CACNA1I: variants seen among roughly 807,000 people sequenced by gnomAD.
CACNA1I encodes voltage-dependent T-type calcium channel subunit alpha-1I.
A neutral mutation model predicts 201.6 loss-of-function variants in CACNA1I; 74 were observed. The observed-to-expected ratio is 0.37, with a 90% CI of 0.30 to 0.45. The LOEUF (loss-of-function observed/expected upper bound fraction) is 0.45. Among genes scored for constraint, CACNA1I ranks in the 20% least tolerant of loss-of-function variants. The pLI is 1.00. For missense variants in CACNA1I, 2,346 were observed against 3,138.1 expected (o/e 0.75, Z 6.03); for synonymous variants, 1,431 against 1,345.2 (o/e 1.06, Z -1.40).
At chr22:39,620,129 GTCCA>G (rs1169891568) in intron 4 of CACNA1I, among the ~76,000 whole-genome samples, 2 of 89,812 alleles carry the variant, frequency 2.2e-5, no homozygotes, top group African/African-American at 4.7e-5. Flanking sequence ...CCATCCACCT[GTCCA>G]TCCATCCACC....
chr22:39,652,612 A>G (rs935672874), intron 10 of CACNA1I, among the ~76,000 whole-genome samples: 7 of 152,106 alleles, frequency 4.6e-5, no homozygotes, highest in African/African-American at 4.8e-5. Context: ...TTGGGTTTCA[A>G]TCCTGGTTCT....
At chr22:39,571,131 G>A (rs376276620) in intron 1 of CACNA1I, 143 bp downstream of exon 1, 36 of 706,060 alleles carry the variant, frequency 5.1e-5, no homozygotes, top group East Asian at 1.6e-4. Context: ...GGTGGTGAGC[G>A]AGCTCAGAGG....
chr22:39,662,501 A>G (rs1248947257), intron 17 of CACNA1I, 66 bp downstream of exon 17: 2 of 1,222,856 alleles, frequency 1.6e-6, no homozygotes, highest in Non-Finnish European at 2.2e-6. Context: ...GTGCGGCCCC[A>G]GGAGGCGGGG....
chr22:39,589,085 C>T (rs1449044948), intron 1 of CACNA1I, among the ~76,000 whole-genome samples: 1 of 152,196 alleles, frequency 6.6e-6, no homozygotes, highest in Non-Finnish European at 1.5e-5. Flanking sequence ...TCTCTACCCA[C>T]TAGATGCCGG....
Position 39,673,010 on chromosome 22 carries a change from A to G in CACNA1I, c.4711A>G (p.Ile1571Val). ...LSVMGITLEEIEINAALPINP... is the reference protein window; with the variant it reads ...LSVMGITLEEVEINAALPINP... ...AGTCATGGGCATCACCCTGGAGGAG[A>G]TCGAGATCAATGCGGCCCTGCCCAT... The change falls in exon 28 of 37, where the codon ATC becomes GTC. Residue 1571 changes from isoleucine to valine, a missense_variant. This residue lies in a region of CACNA1I where 228 missense variants were observed against 395.7 expected (regional missense o/e 0.58). Transcript: ENST00000402142. The G allele has an allele frequency of 6.2e-7, 1 of 1,613,750 alleles. No individual in the cohort carries two copies. The highest frequency in any genetic ancestry group is 1.7e-4 in the Middle Eastern group (1 of 6,058).
At chr22:39,600,332 C>T (rs974018074) in intron 2 of CACNA1I, among the ~76,000 whole-genome samples, 188 bp from the exon 3 acceptor site, 3 of 152,168 alleles carry the variant, frequency 2.0e-5, no homozygotes, top group South Asian at 4.1e-4. Context: ...CCACAGTCTC[C>T]TCATCTATGA....
At chr22:39,585,430 C>T (rs1394487770) in intron 1 of CACNA1I, among the ~76,000 whole-genome samples, 14 of 138,070 alleles carry the variant, frequency 1.0e-4, no homozygotes, top group African/African-American at 3.8e-4. Flanking sequence ...CCCTCTGTCA[C>T]CCAGGCTGGA....
chr22:39,684,949 G>C lies in CACNA1I; in HGVS notation c.6027+451G>C. The C allele has an allele frequency of 3.3e-6, 1 of 306,864 alleles. No homozygotes were observed. Among genetic ancestry groups the C allele is most frequent in the Non-Finnish European group, 6.1e-6 (1 of 163,810 alleles). 19.0% of individuals were successfully genotyped at this position (306,864 alleles called of 1,614,324 possible). ...GAAGCCTCGGGCTGCAGGGTCCCCC[G>C]TACTGGATTGGCCAGGGCCACAGCC... On this transcript the variant is annotated intron_variant, in intron 36 of 36. Coordinates refer to ENST00000402142, the MANE Select transcript of CACNA1I (RefSeq NM_021096.4). This position sits in a 1 kb window ranked among gnomAD's most constrained non-coding sequence, Gnocchi z 4.6.
chr22:39,659,720 C>T lies in CACNA1I; in HGVS notation c.2472C>T (p.Asn824=), dbSNP rs1283133602. The change falls in exon 14 of 37, where the codon AAC becomes AAT. Residue 824 remains asparagine (N), a synonymous_variant. Coordinates refer to ENST00000402142, the MANE Select transcript of CACNA1I (RefSeq NM_021096.4). The surrounding 1 kb of genome is among the most constrained non-coding windows in gnomAD (Gnocchi z 4.3). ...VFQILTQEDW[N]VVLYNGMAST... Reference sequence around the variant, plus strand: ...AGATCCTCACCCAGGAGGACTGGAACGTCGTTCTCTACAATGGCATGGCCT... The same window carrying T: ...AGATCCTCACCCAGGAGGACTGGAATGTCGTTCTCTACAATGGCATGGCCT... The T allele has an allele frequency of 8.7e-6, 14 of 1,613,794 alleles. No homozygotes were observed. Among genetic ancestry groups the T allele is most frequent in the African/African-American group, 4.0e-5 (3 of 74,906 alleles).
chr22:39,664,739 G>A lies in CACNA1I; in HGVS notation c.3667G>A (p.Val1223Ile). Residue 1223 changes from valine to isoleucine, a missense_variant and splice_region_variant, in exon 21 of 37, where the codon GTA (valine) becomes ATA (isoleucine). This residue lies in a region of CACNA1I where 158 missense variants were observed against 231.6 expected (regional missense o/e 0.68). Coordinates refer to ENST00000402142, the MANE Select transcript of CACNA1I (RefSeq NM_021096.4). The stretch of plus-strand genomic sequence containing the variant: ...GACCCCGGCCCCACCCCCGCCCCAG[G>A]TAGTCTCGCTGGGCCTGTACTTCGG... ...AIFVGEMTLK[V>I]VSLGLYFGEQ... The A allele has an allele frequency of 8.0e-7, 1 of 1,255,420 alleles. No homozygotes were observed. Among genetic ancestry groups the A allele is most frequent in the Non-Finnish European group, 1.1e-6 (1 of 932,420 alleles). 77.8% of individuals were successfully genotyped at this position (1,255,420 alleles called of 1,614,324 possible).
At chr22:39,643,939 CA>C (rs1934410783) in intron 7 of CACNA1I, among the ~76,000 whole-genome samples, 1 of 152,226 alleles carries the variant, frequency 6.6e-6, no homozygotes, top group Admixed American at 6.5e-5. Flanking sequence ...GAGGAGCTCA[CA>C]GGCTCGTGGG....
At chr22:39,571,522 A>G (rs1260503235) in intron 1 of CACNA1I, among the ~76,000 whole-genome samples, 1 of 152,106 alleles carries the variant, frequency 6.6e-6, no homozygotes, top group Non-Finnish European at 1.5e-5. Flanking sequence ...ATGATTTGCT[A>G]TGGTCCTGGA....
At chr22:39,656,299 A>T (rs1934817408) in intron 10 of CACNA1I, 34 of 455,976 alleles carry the variant, frequency 7.5e-5, no homozygotes, top group South Asian at 5.2e-4. Context: ...TTGCTGATGG[A>T]GGGGCTCCTG....
chr22:39,576,947 T>G (rs186391406), intron 1 of CACNA1I, among the ~76,000 whole-genome samples: 1,613 of 113,350 alleles, frequency 0.014, 34 homozygotes, highest in African/African-American at 0.039. Context: ...TGTCTGTGCT[T>G]CTTCTTCTTC....
Position 39,659,761 on chromosome 22 carries a change from C to T in CACNA1I, c.2513C>T (p.Ala838Val), listed in dbSNP as rs1417673695. 1 of 1,613,956 alleles carries T rather than the reference C, an allele frequency of 6.2e-7. No homozygotes were observed. The highest frequency in any genetic ancestry group is 1.1e-5 in the South Asian group (1 of 91,080). Residue 838 changes from alanine (A) to valine (V), a missense_variant, in exon 14 of 37, where the codon GCC becomes GTC. Physicochemically the swap from Ala to Val is moderately conservative, Grantham distance 64. Around this residue, in one of 13 missense-constraint regions of CACNA1I, gnomAD observed 155 missense variants for 300.8 expected, o/e 0.52. Transcript: ENST00000402142. This position sits in a 1 kb window ranked among gnomAD's most constrained non-coding sequence, Gnocchi z 4.3. ...GGCATGGCCTCCACTTCTCCCTGGGCCTCCCTCTACTTTGTCGCCCTCATG... is the reference window on the plus strand; with the variant it reads ...GGCATGGCCTCCACTTCTCCCTGGGTCTCCCTCTACTTTGTCGCCCTCATG... Reference protein sequence around the residue: ...YNGMASTSPWASLYFVALMTF... With the variant: ...YNGMASTSPWVSLYFVALMTF...
chr22:39,661,289 G>A lies in CACNA1I; in HGVS notation c.2880G>A (p.Met960Ile), dbSNP rs1261148269. The A allele has an allele frequency of 6.3e-7, 1 of 1,591,072 alleles. No individual in the cohort carries two copies. The highest frequency in any genetic ancestry group is 8.6e-7 in the Non-Finnish European group (1 of 1,168,464). Residue 960 changes from methionine (M) to isoleucine (I), a missense_variant, in exon 16 of 37, where the codon ATG (methionine) becomes ATA (isoleucine). By Grantham distance (10) the Met-to-Ile change is conservative. This residue lies in a region of CACNA1I where 288 missense variants were observed against 255.2 expected (regional missense o/e 1.13). Coordinates refer to ENST00000402142, the MANE Select transcript of CACNA1I (RefSeq NM_021096.4). The stretch of plus-strand genomic sequence containing the variant: ...GCAGTGTCATGTCTCTAGGGAGGAT[G>A]AGCTATGACCAGCGCTCCCTGGTGA... The part of the protein sequence containing the change: ...RKSSVMSLGR[M>I]SYDQRSLSSS...
In CACNA1I at chr22:39,630,300, C is replaced by A. The variant is rs537726302; in HGVS notation, c.581-4265C>A. Among the ~76,000 whole-genome samples, 3 of 152,362 alleles carry A rather than the reference C, an allele frequency of 2.0e-5. No homozygotes were observed. In the East Asian group the frequency reaches 5.8e-4, roughly 29 times the overall value. ...TTTCACCCAACGAACGAGGACGTGA[C>A]CTTGTGTATCACCCATGTGGTTTAT... On this transcript the variant is annotated intron_variant, in intron 4 of 36. Transcript: ENST00000402142.
Position 39,684,033 on chromosome 22 carries a change from AGCCCGCGTCT to A in CACNA1I, c.5831-266_5831-257del, listed in dbSNP as rs896130768. Among the ~76,000 whole-genome samples, 27 of 152,062 alleles carry A rather than the reference AGCCCGCGTCT, an allele frequency of 1.8e-4. No individual in the cohort carries two copies. The highest frequency in any genetic ancestry group is 2.9e-5 in the Non-Finnish European group (2 of 67,996). On this transcript the variant is annotated intron_variant, in intron 35 of 36. Coordinates refer to ENST00000402142, the MANE Select transcript of CACNA1I (RefSeq NM_021096.4). The surrounding 1 kb of genome is among the most constrained non-coding windows in gnomAD (Gnocchi z 4.6). ...TTACAGAGGAAGAGAGCTAGGCTTG[AGCCCGCGTCT>A]GCTTGCCTCCAAAAGCTGTGTCTTT...
chr22:39,660,583 G>A (rs1934976511), intron 15 of CACNA1I, 146 bp downstream of exon 15: 1 of 581,248 alleles, frequency 1.7e-6, no homozygotes, highest in African/African-American at 1.9e-5. Context: ...GTTCATAATT[G>A]GAAAAAATGT....
Sources: allele counts gnomAD v4.1 joint callset (sites outside exome capture counted in the v4.1 genomes callset), GRCh38; gene constraint gnomAD v4.1.1; regional missense constraint gnomAD v4.1.1; non-coding constraint Gnocchi (gnomAD v3.1); transcripts MANE v1.5; gene names NCBI Gene and HGNC (gene_info 2026-07-23, HGNC 2026-07-21).